MYMX: variants seen among roughly 807,000 people sequenced by gnomAD.
The protein encoded by MYMX is myomixer, myoblast fusion factor, also known as protein myomixer.
chr6:44,196,131 C>G, the MYMX span, among the ~76,000 whole-genome samples: 3 of 152,068 alleles, frequency 2.0e-5, no homozygotes, highest in Non-Finnish European at 1.5e-5. Context: ...TTAGTAGAGA[C>G]AGGGTTTCAC....
chr6:44,203,167 ACT>A, the MYMX span, among the ~76,000 whole-genome samples: 101 of 151,430 alleles, frequency 6.7e-4, 1 homozygote, highest in African/African-American at 2.1e-3. Flanking sequence ...TCCCCTCGAG[ACT>A]CTCTCCAGCT....
chr6:44,195,478 T>C, the MYMX span, among the ~76,000 whole-genome samples: 1 of 152,158 alleles, frequency 6.6e-6, no homozygotes, highest in African/African-American at 2.4e-5. Context: ...TTTTTATGTG[T>C]GTGTGAGAGA....
At chr6:44,195,105 G>A in the MYMX span, among the ~76,000 whole-genome samples, 6 of 151,728 alleles carry the variant, frequency 4.0e-5, no homozygotes, top group Non-Finnish European at 8.8e-5. Context: ...AACCTCCTCC[G>A]CCTCTTGGGT....
At chr6:44,213,347 T>C (rs1045855261), upstream of MYMX, among the ~76,000 whole-genome samples, 28 of 150,536 alleles carry the variant, frequency 1.9e-4, 4 homozygotes, top group African/African-American at 6.7e-4. Flanking sequence ...GATCACGCCA[T>C]TGCACTCCAG....
At chr6:44,213,936 G>T (rs1775732693), upstream of MYMX, among the ~76,000 whole-genome samples, 1 of 152,152 alleles carries the variant, frequency 6.6e-6, no homozygotes, top group African/African-American at 2.4e-5. Flanking sequence ...CTAGCCTCCT[G>T]AGTAGCTGGG....
chr6:44,196,376 G>T, the MYMX span, among the ~76,000 whole-genome samples: 1 of 152,130 alleles, frequency 6.6e-6, no homozygotes, highest in East Asian at 1.9e-4. Flanking sequence ...TGAAATCATT[G>T]TGTTATAAAC....
the MYMX span, among the ~76,000 whole-genome samples, chr6:44,193,845 G>A: frequency 4.1e-3 from 629 of 152,282 alleles, 4 homozygotes; most frequent in Middle Eastern, 0.024. Context: ...TTAGCCGGGC[G>A]TGGTGGCACA....
At chr6:44,210,955 C>T in the MYMX span, among the ~76,000 whole-genome samples, 1 of 152,146 alleles carries the variant, frequency 6.6e-6, no homozygotes, top group Non-Finnish European at 1.5e-5. Context: ...AATCATGTCA[C>T]TGCATTCCAG....
chr6:44,214,635 T>C (rs1012888979), upstream of MYMX, among the ~76,000 whole-genome samples: 1 of 152,320 alleles, frequency 6.6e-6, no homozygotes, highest in Middle Eastern at 3.4e-3. Context: ...TGCAGTGGCA[T>C]GATCTCGGCT....
the MYMX span, among the ~76,000 whole-genome samples, chr6:44,200,388 C>T: frequency 6.6e-6 from 1 of 152,078 alleles, no homozygotes; most frequent in South Asian, 2.1e-4. Flanking sequence ...GATCTGGGCT[C>T]ACTGCAACTT....
the MYMX span, among the ~76,000 whole-genome samples, chr6:44,202,868 T>C: frequency 2.0e-5 from 3 of 152,062 alleles, no homozygotes; most frequent in South Asian, 6.2e-4. Context: ...CCAGAGACAA[T>C]AGCTAGTTTC....
chr6:44,213,278 C>G (rs925214332), upstream of MYMX, among the ~76,000 whole-genome samples: 4 of 150,500 alleles, frequency 2.7e-5, 1 homozygote, highest in East Asian at 6.0e-4. Flanking sequence ...CCCAGCTACT[C>G]GGGAGGCTGA....
At chr6:44,210,302 A>C in the MYMX span, among the ~76,000 whole-genome samples, 2 of 124,124 alleles carry the variant, frequency 1.6e-5, no homozygotes, top group African/African-American at 6.0e-5. Flanking sequence ...TGTTTTCGTC[A>C]TTTTGGAGAC....
the MYMX span, among the ~76,000 whole-genome samples, chr6:44,202,192 T>C: frequency 6.6e-6 from 1 of 152,202 alleles, no homozygotes; most frequent in Non-Finnish European, 1.5e-5. Context: ...CTGGTGGCTC[T>C]TGGTGTGTCT....
At chr6:44,213,953 G>A (rs907405275), upstream of MYMX, among the ~76,000 whole-genome samples, 1 of 152,110 alleles carries the variant, frequency 6.6e-6, no homozygotes, top group Non-Finnish European at 1.5e-5. Flanking sequence ...TGGGACTACG[G>A]GTGTGCATTG....
chr6:44,206,099 C>T, the MYMX span, among the ~76,000 whole-genome samples: 1 of 151,240 alleles, frequency 6.6e-6, no homozygotes, highest in African/African-American at 2.4e-5. Context: ...AGCTCCAGTA[C>T]TGCCACAATG....
the MYMX span, among the ~76,000 whole-genome samples, chr6:44,194,057 T>G: frequency 6.6e-6 from 1 of 152,158 alleles, no homozygotes. Context: ...ATGTTCAAAA[T>G]GTAGCAGCTC....
At chr6:44,196,950 C>T in the MYMX span, among the ~76,000 whole-genome samples, 1 of 151,656 alleles carries the variant, frequency 6.6e-6, no homozygotes, top group African/African-American at 2.4e-5. Context: ...AAGAGCAAAA[C>T]TCCGTGTCAA....
the MYMX span, among the ~76,000 whole-genome samples, chr6:44,195,866 C>A: frequency 1.3e-5 from 2 of 152,064 alleles, no homozygotes; most frequent in Non-Finnish European, 2.9e-5. Context: ...CTTTTCTATT[C>A]TCCTATTCAT....
Sources: gnomAD v4.1 joint callset for allele counts (sites outside exome capture counted in the v4.1 genomes callset) on GRCh38, gnomAD v4.1.1 for gene constraint, MANE v1.5 for transcripts, NCBI Gene and HGNC (gene_info 2026-07-23, HGNC 2026-07-21) for gene names.